PTP4A1: variants seen among roughly 807,000 people sequenced by gnomAD.
PTP4A1 encodes protein tyrosine phosphatase 4A1, also known as protein tyrosine phosphatase type IVA 1.
In PTP4A1, 9 loss-of-function variants were observed where a neutral mutation model predicts 20.5. That is an observed-to-expected ratio of 0.44 (90% confidence interval 0.26 to 0.77). PTP4A1 has a LOEUF of 0.77. Ranked by LOEUF, PTP4A1 falls within the 30% of genes least tolerant of loss-of-function variation. The probability of loss-of-function intolerance (pLI) is 0.19; values close to 1 mark genes in which losing one functional copy is unlikely to be tolerated. For synonymous variants in PTP4A1, 78 were observed against 67.4 expected, an observed-to-expected ratio of 1.16 and a Z score of -0.77; for missense variants, 137 against 218.8, an observed-to-expected ratio of 0.63 and a Z score of 2.36.
intron 2 of PTP4A1, among the ~76,000 whole-genome samples, chr6:63,543,174 G>T (rs1464374893): frequency 2.0e-5 from 3 of 152,076 alleles, no homozygotes; most frequent in African/African-American, 7.2e-5. Context: ...CATGTGCTAG[G>T]GTGTCTCATG....
chr6:63,562,586 T>A (rs912673444), intron 3 of PTP4A1, among the ~76,000 whole-genome samples: 8 of 152,276 alleles, frequency 5.3e-5, no homozygotes, highest in Non-Finnish European at 1.0e-4. Context: ...AACTAATTTC[T>A]ATCTCAGAGT....
In PTP4A1 at chr6:63,578,985, C is replaced by G; in HGVS notation, c.286C>G (p.Pro96Ala). ...TGTGAAAATTAAGTTTCGTGAAGAA[C>G]CTGGTTGTTGTATTGCTGTTCATTG... ...SLVKIKFREE[P>A]GCCIAVHCVA... Residue 96 changes from proline (P) to alanine (A), a missense_variant, in exon 4 of 6, where the codon CCT (proline) becomes GCT (alanine). By Grantham distance (27) the Pro-to-Ala change is conservative. Transcript: ENST00000626021. 1 of 1,607,414 alleles carries G rather than the reference C, an allele frequency of 6.2e-7. No homozygotes were observed. The highest frequency in any genetic ancestry group is 8.5e-7 in the Non-Finnish European group (1 of 1,177,562).
intron 1 of PTP4A1, among the ~76,000 whole-genome samples, chr6:63,523,613 C>G (rs1254701097): frequency 1.3e-5 from 2 of 152,212 alleles, no homozygotes; most frequent in African/African-American, 2.4e-5. Flanking sequence ...TAAGCCCACT[C>G]AGATCTAAGA....
At chr6:63,538,048 T>C (rs1304223875) in intron 2 of PTP4A1, among the ~76,000 whole-genome samples, 1 of 152,224 alleles carries the variant, frequency 6.6e-6, no homozygotes, top group Non-Finnish European at 1.5e-5. Flanking sequence ...AAAGATAAAT[T>C]ATCTCTGAAA....
intron 2 of PTP4A1, among the ~76,000 whole-genome samples, chr6:63,547,276 G>A (rs893928427): frequency 2.0e-5 from 3 of 149,552 alleles, no homozygotes; most frequent in African/African-American, 4.9e-5. Flanking sequence ...TGCAACCTGC[G>A]CCTCCCAGGT....
chr6:63,535,548 T>G (rs986169966), intron 2 of PTP4A1, among the ~76,000 whole-genome samples: 2 of 152,214 alleles, frequency 1.3e-5, no homozygotes, highest in African/African-American at 4.8e-5. Context: ...ATAACTAAAA[T>G]TAGTGGCATT....
intron 3 of PTP4A1, among the ~76,000 whole-genome samples, chr6:63,559,578 C>T (rs1473580575): frequency 2.0e-5 from 3 of 152,060 alleles, no homozygotes; most frequent in Non-Finnish European, 4.4e-5. Flanking sequence ...AACCCTGTCT[C>T]TACTAAAAAT....
At chr6:63,555,081 A>G (rs1184439186) in intron 3 of PTP4A1, among the ~76,000 whole-genome samples, 1 of 152,136 alleles carries the variant, frequency 6.6e-6, no homozygotes, top group Non-Finnish European at 1.5e-5. Context: ...TCATACCTCC[A>G]TTTCTTTTCA....
At chr6:63,552,980 A>T (rs974598065) in intron 3 of PTP4A1, among the ~76,000 whole-genome samples, 12 of 151,954 alleles carry the variant, frequency 7.9e-5, no homozygotes, top group Non-Finnish European at 1.3e-4. Context: ...TATGATCATA[A>T]CCTTTTTTAA....
chr6:63,517,482 C>CT (rs1052767325), upstream of PTP4A1, among the ~76,000 whole-genome samples: 1 of 152,014 alleles, frequency 6.6e-6, no homozygotes, highest in Non-Finnish European at 1.5e-5. Flanking sequence ...CATGATGCCC[C>CT]GTAAAGTGAA....
At chr6:63,546,674 C>A (rs989666319) in intron 2 of PTP4A1, among the ~76,000 whole-genome samples, 1 of 152,020 alleles carries the variant, frequency 6.6e-6, no homozygotes, top group African/African-American at 2.4e-5. Context: ...CCATTGTACT[C>A]CAGCCTGGCC....
intron 3 of PTP4A1, among the ~76,000 whole-genome samples, chr6:63,559,862 A>AGATCG: frequency 1.3e-5 from 2 of 152,088 alleles, no homozygotes; most frequent in Non-Finnish European, 2.9e-5. Context: ...CCTGGGCTCA[A>AGATCG]ACAATCCTCC....
chr6:63,580,040 T>C lies in PTP4A1; in HGVS notation c.405-17T>C. 1.9e-6 allele frequency: 3 copies of C among 1,574,124 alleles called. No homozygotes were observed. The South Asian group carries it at 3.4e-5, about 18-fold the overall frequency. ...GGGCTTTTGCCTTGTTTCATTTTTT[T>C]TTTTTTTTCCTCCCAGAAAGCGGCG... On this transcript the variant is annotated splice_polypyrimidine_tract_variant and intron_variant, in intron 5 of 5. Transcript: ENST00000626021.
intron 2 of PTP4A1, among the ~76,000 whole-genome samples, chr6:63,544,273 T>C (rs1215789311): frequency 6.6e-6 from 1 of 152,218 alleles, no homozygotes; most frequent in Non-Finnish European, 1.5e-5. Flanking sequence ...TTCACTCAGA[T>C]TCCCTGAATT....
chr6:63,552,050 G>A (rs1324509963), intron 3 of PTP4A1, among the ~76,000 whole-genome samples: 1 of 152,142 alleles, frequency 6.6e-6, no homozygotes, highest in Non-Finnish European at 1.5e-5. Context: ...TCCTTTGGGT[G>A]TATACCCAGT....
intron 1 of PTP4A1, among the ~76,000 whole-genome samples, chr6:63,527,362 C>G (rs550385269): frequency 6.6e-6 from 1 of 152,310 alleles, no homozygotes; most frequent in Non-Finnish European, 1.5e-5. Flanking sequence ...CAGTAACCCA[C>G]AGACCTTGCA....
Position 63,538,914 on chromosome 6 carries a change from A to T in PTP4A1, c.-640+10830A>T, listed in dbSNP as rs562950195. ...TTATTTATTTATTTTTATTTTTGAG[A>T]TGGAGTCTCACTCTGTCACCCAGGC... is the stretch of plus-strand genomic sequence containing the variant. On this transcript the variant is annotated intron_variant, in intron 2 of 3. Coordinates refer to the PTP4A1 transcript ENST00000639568. Among the ~76,000 whole-genome samples, 5 of 152,210 alleles carry T rather than the reference A, an allele frequency of 3.3e-5. No individual in the cohort carries two copies. The East Asian group carries it at 5.8e-4, about 18-fold the overall frequency.
upstream of PTP4A1, among the ~76,000 whole-genome samples, chr6:63,520,970 A>C (rs1774898705): frequency 6.6e-6 from 1 of 152,148 alleles, no homozygotes; most frequent in South Asian, 2.1e-4. Context: ...ATCCTCAGCA[A>C]ACTAACACAG....
rs916748253 is a variant in PTP4A1, at chr6:63,559,630, A to G, written c.-446+9137A>G. Among the ~76,000 whole-genome samples the G allele has an allele frequency of 3.9e-5, 6 of 152,076 alleles. No homozygotes were observed. The East Asian group carries it at 1.2e-3, about 29-fold the overall frequency. The stretch of plus-strand genomic sequence containing the variant: ...CATGGTGGTGTATGCCTGTAATCCC[A>G]GCTACTCAGGAGGCTGAGGCAGGAG... On this transcript the variant is annotated intron_variant, in intron 3 of 3. Coordinates refer to the PTP4A1 transcript ENST00000639568.
Sources: gnomAD v4.1 joint callset for allele counts (sites outside exome capture counted in the v4.1 genomes callset) on GRCh38, gnomAD v4.1.1 for gene constraint, MANE v1.5 for transcripts, NCBI Gene and HGNC (gene_info 2026-07-23, HGNC 2026-07-21) for gene names.